Variants in CDH8 observed in about 807,000 individuals in gnomAD.
CDH8 encodes the protein cadherin-8.
Under a neutral mutation model 68.1 loss-of-function variants are expected in CDH8, and 17 were observed. The observed-to-expected ratio is 0.25, with a 90% CI of 0.17 to 0.37. The LOEUF is 0.37. Among genes scored for constraint, CDH8 ranks in the 10% least tolerant of loss-of-function variants. The pLI, the probability that CDH8 is intolerant of heterozygous loss-of-function variation, is 1.00. For missense variants in CDH8, 763 were observed against 999.3 expected (o/e 0.76, Z 3.19); for synonymous variants, 372 against 365.1 (o/e 1.02, Z -0.21).
intron 2 of CDH8, among the ~76,000 whole-genome samples, chr16:61,958,283 G>T (rs1276410056): frequency 3.3e-5 from 5 of 152,158 alleles, no homozygotes; most frequent in African/African-American, 9.7e-5. Flanking sequence ...CCAGTCAAAA[G>T]AAAAGCAAGC....
In CDH8 at chr16:61,706,798, A is replaced by G. The variant is rs140589409; in HGVS notation, c.1654+7043T>C. 2.2e-4 allele frequency among the ~76,000 whole-genome samples: 33 copies of G among 152,290 alleles called. No homozygotes were observed. The East Asian group carries it at 5.8e-3, about 27-fold the overall frequency. ...GTACATATGAAGTTCTATATTTAGC[A>G]TACAAGACTTTCATAAGCTATGTAT... is the stretch of plus-strand genomic sequence containing the variant. On this transcript the variant is annotated intron_variant, in intron 10 of 11. Coordinates refer to ENST00000577390, the MANE Select transcript of CDH8 (RefSeq NM_001796.5).
intron 9 of CDH8, among the ~76,000 whole-genome samples, chr16:61,721,355 T>C (rs988210669): frequency 5.3e-5 from 8 of 150,956 alleles, no homozygotes; most frequent in African/African-American, 1.9e-4. Context: ...CTCTTGTGTA[T>C]GCAGATATAT....
intron 9 of CDH8, among the ~76,000 whole-genome samples, chr16:61,720,619 G>A (rs1959209792): frequency 6.6e-6 from 1 of 150,850 alleles, no homozygotes. Context: ...TAGGTAGAAT[G>A]TGTTTCTATA....
intron 2 of CDH8, among the ~76,000 whole-genome samples, chr16:61,947,779 T>C (rs2143569451): frequency 6.6e-6 from 1 of 152,322 alleles, no homozygotes; most frequent in Non-Finnish European, 1.5e-5. Flanking sequence ...TTTTAATATA[T>C]ATTTAAATGT....
At chr16:61,728,979 A>C (rs1037555854) in intron 8 of CDH8, among the ~76,000 whole-genome samples, 2 of 151,180 alleles carry the variant, frequency 1.3e-5, no homozygotes, top group Non-Finnish European at 3.0e-5. Flanking sequence ...ACACATTCAA[A>C]GGTATTATAG....
chr16:61,770,686 G>A (rs1166417251), intron 8 of CDH8, among the ~76,000 whole-genome samples: 4 of 151,844 alleles, frequency 2.6e-5, no homozygotes, highest in Non-Finnish European at 4.4e-5. Flanking sequence ...GATTGACTGC[G>A]AAGGGCACCA....
chr16:62,021,066 G>T, intron 2 of CDH8, 86 bp downstream of exon 2: 1 of 1,156,968 alleles, frequency 8.6e-7, no homozygotes, highest in Non-Finnish European at 1.3e-6. Context: ...ACAGCTAAGT[G>T]TGGTCACAAT....
At chr16:62,025,083 AAAG>A (rs1260407512) in intron 1 of CDH8, among the ~76,000 whole-genome samples, 5 of 152,194 alleles carry the variant, frequency 3.3e-5, no homozygotes, top group African/African-American at 1.2e-4. Flanking sequence ...TGGCAGCATT[AAAG>A]AAGGTTTCCT....
At chr16:61,961,998 A>C (rs1190783090) in intron 2 of CDH8, among the ~76,000 whole-genome samples, 1 of 152,242 alleles carries the variant, frequency 6.6e-6, no homozygotes, top group Non-Finnish European at 1.5e-5. Context: ...TGTATATTAT[A>C]GACATTATAT....
chr16:61,835,157 G>T (rs1567492507), intron 4 of CDH8, among the ~76,000 whole-genome samples: 2 of 151,714 alleles, frequency 1.3e-5, no homozygotes. Context: ...ACCTCTATAT[G>T]CCCTGCCCCA....
At chr16:61,902,279 T>C (rs1315157235) in intron 2 of CDH8, among the ~76,000 whole-genome samples, 1 of 152,136 alleles carries the variant, frequency 6.6e-6, no homozygotes, top group African/African-American at 2.4e-5. Flanking sequence ...AATTTGTGTG[T>C]CAGGCAAATA....
intron 10 of CDH8, among the ~76,000 whole-genome samples, chr16:61,711,232 G>A (rs67993093): frequency 0.32 from 48,077 of 151,444 alleles, 7,861 homozygotes; most frequent in African/African-American, 0.4. Context: ...ATTGCATTAG[G>A]ACCAATCCAT....
chr16:61,676,401 A>G (rs1963911772), intron 10 of CDH8, among the ~76,000 whole-genome samples: 1 of 151,984 alleles, frequency 6.6e-6, no homozygotes, highest in Non-Finnish European at 1.5e-5. Context: ...TCAATTAAAT[A>G]AGAGACACTA....
At chr16:61,742,917 A>T (rs1959915485) in intron 8 of CDH8, among the ~76,000 whole-genome samples, 1 of 152,150 alleles carries the variant, frequency 6.6e-6, no homozygotes, top group South Asian at 2.1e-4. Context: ...GTTGGTAATT[A>T]TGTATTCAAT....
intron 3 of CDH8, among the ~76,000 whole-genome samples, chr16:61,890,378 A>G (rs190028234): frequency 4.7e-4 from 53 of 112,578 alleles, no homozygotes; most frequent in Non-Finnish European, 7.4e-4. Flanking sequence ...TAAAGACACT[A>G]GTTTACAAGA....
intron 2 of CDH8, among the ~76,000 whole-genome samples, chr16:61,965,607 A>G (rs903018422): frequency 6.6e-6 from 1 of 152,220 alleles, no homozygotes. Flanking sequence ...CTCATAAAGT[A>G]ACTCCTGTCT....
At chr16:61,658,866 T>C (rs1023989916) in intron 10 of CDH8, among the ~76,000 whole-genome samples, 3 of 152,272 alleles carry the variant, frequency 2.0e-5, no homozygotes, top group African/African-American at 7.2e-5. Context: ...GAGAGTTATT[T>C]CTTAATGTTC....
At chr16:61,824,990 C>T in intron 5 of CDH8, 22 bp downstream of exon 5, 2 of 1,575,380 alleles carry the variant, frequency 1.3e-6, no homozygotes, top group Non-Finnish European at 8.7e-7. Context: ...AGATTCTCAT[C>T]CAGTGCAGGA....
intron 2 of CDH8, among the ~76,000 whole-genome samples, chr16:61,964,126 G>T (rs1253102433): frequency 6.6e-6 from 1 of 152,126 alleles, no homozygotes; most frequent in East Asian, 1.9e-4. Flanking sequence ...GACTTAAAAG[G>T]TTCCTATGGA....
Sources: gnomAD v4.1 joint callset for allele counts (sites outside exome capture counted in the v4.1 genomes callset) on GRCh38, gnomAD v4.1.1 for gene constraint, MANE v1.5 for transcripts, NCBI Gene and HGNC (gene_info 2026-07-23, HGNC 2026-07-21) for gene names.